Variants in TTN observed in about 807,000 individuals in gnomAD.
TTN encodes connectin.
Under a neutral mutation model 3,223.0 loss-of-function variants are expected in TTN, and 1,525 were observed. The ratio of observed to expected loss-of-function variants is 0.47; its 90% CI spans 0.45 to 0.49. The LOEUF (loss-of-function observed/expected upper bound fraction) is 0.49, where lower values mean the gene tolerates loss of function less well. Among genes scored for constraint, TTN ranks in the 20% least tolerant of loss-of-function variants. The probability of loss-of-function intolerance (pLI) is 0.00; values close to 1 mark genes in which losing one functional copy is unlikely to be tolerated. For missense variants in TTN, 40,786 were observed against 43,424.0 expected, an observed-to-expected ratio of 0.94 and a Z score of 5.40; for synonymous variants, 14,094 against 15,161.0, an observed-to-expected ratio of 0.93 and a Z score of 5.17.
At position 178,807,286 on chromosome 2, in the gene TTN, T is replaced by C. The variant is rs1300262076; in HGVS notation, c.-88A>G. On this transcript the variant is annotated 5_prime_UTR_variant, in exon 1 of 363. Transcript: ENST00000589042. The stretch of plus-strand genomic sequence containing the variant: ...TTCTGAAACGACGTCCTATGGAGAG[T>C]TGGTTTTTCTGACCATCTCCGACAT... 1.3e-5 allele frequency: 2 copies of C among 151,926 alleles called. No homozygotes were observed. The highest frequency in any genetic ancestry group is 1.9e-4 in the East Asian group (1 of 5,188). 9.4% of individuals were successfully genotyped at this position (151,926 alleles called of 1,614,324 possible). A position where few individuals can be genotyped will look rare whatever the true frequency, so the allele number is the denominator to read the frequency against.
intron 47 of TTN, chr2:178,745,798 C>A: frequency 6.2e-7 from 1 of 1,613,238 alleles, no homozygotes; most frequent in South Asian, 1.1e-5. Context: ...GAACTAAGCA[C>A]TGAAAATATG....
At position 178,590,967 on chromosome 2, in the gene TTN, C is replaced by G. The variant is rs370280223; in HGVS notation, c.60758G>C (p.Gly20253Ala). ...TGTGGAGTCAAGGGGAGGACCAACA[C>G]CTATCTTATTCTCTGCTCTAACTCG... The part of the protein sequence containing the change: ...VFRVRAENKI[G>A]VGPPLDSTPT... The change falls in exon 304 of 363, where the codon GGT becomes GCT. Residue 20253 changes from glycine to alanine, a missense_variant. By Grantham distance (60) the Gly-to-Ala change is moderately conservative. Coordinates refer to ENST00000589042, the MANE Select transcript of TTN (RefSeq NM_001267550.2). 1.2e-6 allele frequency: 2 copies of G among 1,613,284 alleles called. No homozygotes were observed. Among genetic ancestry groups the G allele is most frequent in the African/African-American group, 2.7e-5 (2 of 74,862 alleles).
rs538418242 is a variant in TTN at position 178,527,813 on chromosome 2, C to G, written c.107378-65G>C. ...TCTGGTTAATTGATGACATATGACG[C>G]TGACTTACAGAAATGGAAACTTCAA... On this transcript the variant is annotated intron_variant, in intron 361 of 362. Coordinates refer to ENST00000589042, the MANE Select transcript of TTN (RefSeq NM_001267550.2). 621 of 1,446,986 alleles carry G rather than the reference C, an allele frequency of 4.3e-4. 7 individuals carry two copies. In the South Asian group the frequency reaches 8.3e-3, roughly 19 times the overall value. 89.6% of individuals were successfully genotyped at this position (1,446,986 alleles called of 1,614,324 possible).
In TTN at chr2:178,576,708, C is replaced by G. The variant is rs763091757; in HGVS notation, c.69536G>C (p.Arg23179Thr). The change falls in exon 325 of 363, where the codon AGA becomes ACA. Residue 23179 changes from arginine (R) to threonine (T), a missense_variant. Arg to Thr is a moderately conservative substitution (Grantham distance 71, BLOSUM62 -1). Transcript: ENST00000589042. This position sits in a 1 kb window ranked among gnomAD's most constrained non-coding sequence, Gnocchi z 4.3. ...CACCCATCGCAGGCTTTTCTTTTCTCTCCTTTCTACATGATATCCTGTAAT... is the reference window on the plus strand; with the variant it reads ...CACCCATCGCAGGCTTTTCTTTTCTGTCCTTTCTACATGATATCCTGTAAT... ...SEITGYHVER[R>T]EKKSLRWVRA... 2.5e-6 allele frequency: 4 copies of G among 1,613,494 alleles called. No homozygotes were observed. The Admixed American group carries it at 5.0e-5, about 20-fold the overall frequency.
In TTN at chr2:178,794,428, C is replaced by G. The variant is rs1176065238; in HGVS notation, c.1369G>C (p.Ala457Pro). 2.5e-6 allele frequency: 4 copies of G among 1,614,078 alleles called. No individual in the cohort carries two copies. In the African/African-American group the frequency reaches 5.3e-5, roughly 22 times the overall value. Residue 457 changes from alanine (A) to proline (P), a missense_variant, in exon 8 of 363, where the codon GCT becomes CCT. Transcript: ENST00000589042. ...EQTAQRTTTT[A>P]VHIQPAQEQV... The stretch of plus-strand genomic sequence containing the variant: ...TCTTGAGCAGGTTGGATGTGCACAG[C>G]AGTCGTGGTTGTCCTCTGAGCAGTC...
In TTN at chr2:178,560,688, C is replaced by T. The variant is rs762526051; in HGVS notation, c.85444G>A (p.Asp28482Asn). Reference protein sequence around the residue: ...WGRPQEDGGADIDYYIVEKRE... With the variant: ...WGRPQEDGGANIDYYIVEKRE... ...TTTTCTACGATGTAATAGTCGATAT[C>T]TGCACCACCATCTTCTTGGGGACGT... is the stretch of plus-strand genomic sequence containing the variant. Residue 28482 changes from aspartate to asparagine, a missense_variant, in exon 326 of 363, where the codon GAT becomes AAT. Asp to Asn is a conservative substitution (Grantham distance 23). Coordinates refer to ENST00000589042, the MANE Select transcript of TTN (RefSeq NM_001267550.2). The T allele has an allele frequency of 6.2e-7, 1 of 1,613,700 alleles. No homozygotes were observed. The highest frequency in any genetic ancestry group is 1.7e-5 in the Admixed American group (1 of 59,984).
Position 178,583,725 on chromosome 2 carries a change from G to A in TTN, c.65457C>T (p.Tyr21819=), listed in dbSNP as rs529491333. ...CTTTCTCTTCTAGGCCAGTAGCTGT[G>A]TACTCTTCCTGGGGAATCTGGTGAG... ...TAPHQIPQEE[Y]TATGLEEKAQ... The change falls in exon 312 of 363, where the codon TAC becomes TAT. Residue 21819 remains tyrosine, a synonymous_variant. Transcript: ENST00000589042. The A allele has an allele frequency of 3.7e-6, 6 of 1,612,344 alleles. No individual in the cohort carries two copies. The East Asian group carries it at 1.1e-4, about 30-fold the overall frequency.
At chr2:178,742,241 A>C (rs1189116703) in intron 47 of TTN, among the ~76,000 whole-genome samples, 1 of 151,724 alleles carries the variant, frequency 6.6e-6, no homozygotes, top group Non-Finnish European at 1.5e-5. Context: ...ACTGCTAATT[A>C]AATAGTTATA....
chr2:178,693,997 G>T lies in TTN; in HGVS notation c.31438C>A (p.His10480Asn), dbSNP rs1166519741. ...EVIEVKVPAV[H>N]TKKMVISEEK... ...TCTGAAATAACCATCTTCTTTGTAT[G>T]CACAGCTGGTACTTTAAAGAGAGTA... The change falls in exon 118 of 363, where the codon CAT becomes AAT. Residue 10480 changes from histidine (H) to asparagine (N), a missense_variant. His to Asn is a moderately conservative substitution (Grantham distance 68). Transcript: ENST00000589042. 6.2e-6 allele frequency: 10 copies of T among 1,610,606 alleles called. No homozygotes were observed. The East Asian group carries it at 2.2e-4, about 36-fold the overall frequency.
At chr2:178,588,426 A>G in intron 304 of TTN, 112 bp downstream of exon 304, 3 of 1,306,934 alleles carry the variant, frequency 2.3e-6, no homozygotes, top group Non-Finnish European at 2.1e-6. Context: ...AATATTTGCT[A>G]AATACAGTTT....
rs55676195 is a variant in TTN at position 178,541,434 on chromosome 2, C to A, written c.97643G>T (p.Arg32548Leu). The change falls in exon 350 of 363, where the codon CGT becomes CTT. Residue 32548 changes from arginine (R) to leucine (L), a missense_variant. Transcript: ENST00000589042. ...CATTGTCACAGGTACTTTATTTACA[C>A]GGACCCATCGATCTGCTCTCACTTC... ...RKEVRADRWV[R>L]VNKVPVTMTR... 1 of 1,613,256 alleles carries A rather than the reference C, an allele frequency of 6.2e-7. No individual in the cohort carries two copies. The highest frequency in any genetic ancestry group is 1.3e-5 in the African/African-American group (1 of 74,880).
At position 178,776,410 on chromosome 2, in the gene TTN, T is replaced by G. The variant is rs1262114595; in HGVS notation, c.5454A>C (p.Glu1818Asp). ...EGRKGLQRIE[E>D]LERMAHEGAL... ...CACCTTCATGAGCCATTCTCTCTAATTCTTCAATTCTCTGTAAGCCTTTCC... is the reference window on the plus strand; with the variant it reads ...CACCTTCATGAGCCATTCTCTCTAAGTCTTCAATTCTCTGTAAGCCTTTCC... Residue 1818 changes from glutamate (E) to aspartate (D), a missense_variant, in exon 28 of 363, where the codon GAA becomes GAC. Physicochemically the swap from Glu to Asp is conservative, Grantham distance 45 (BLOSUM62 2). Transcript: ENST00000589042. 6.2e-7 allele frequency: 1 copy of G among 1,611,738 alleles called. No homozygotes were observed. The highest frequency in any genetic ancestry group is 1.7e-5 in the Admixed American group (1 of 60,018).
intron 278 of TTN, among the ~76,000 whole-genome samples, chr2:178,606,399 G>A (rs1328993804): frequency 6.6e-6 from 1 of 151,818 alleles, no homozygotes; most frequent in Non-Finnish European, 1.5e-5. Context: ...GGGTGATGGT[G>A]AAGGAATAAG....
At position 178,719,258 on chromosome 2, in the gene TTN, C is replaced by T. The variant is rs1377086549; in HGVS notation, c.24132G>A (p.Leu8044=). The T allele has an allele frequency of 6.2e-7, 1 of 1,613,750 alleles. No individual in the cohort carries two copies. The highest frequency in any genetic ancestry group is 8.5e-7 in the Non-Finnish European group (1 of 1,179,740). The part of the protein sequence containing the change: ...SFSENVCTLN[L]SLLEPSDTGI... ...CTGTGTCGGAGGGCTCCAACAAGCT[C>T]AGATTCAAAGTACAGACGTTTTCCG... Residue 8044 remains leucine, a synonymous_variant, in exon 83 of 363, where the codon CTG becomes CTA. Transcript: ENST00000589042.
chr2:178,757,231 T>TACTGTACTTA (rs1252574568), intron 45 of TTN, among the ~76,000 whole-genome samples: 19 of 148,914 alleles, frequency 1.3e-4, no homozygotes, highest in Admixed American at 3.4e-4. Context: ...TAAGTAATAA[T>TACTGTACTTA]CAGCAAATAG....
chr2:178,645,698 G>A (rs1052979865), intron 217 of TTN: 18 of 347,846 alleles, frequency 5.2e-5, no homozygotes, highest in Middle Eastern at 7.4e-4. Context: ...CCCGGATGAC[G>A]CTATCAATGT....
intron 9 of TTN, among the ~76,000 whole-genome samples, chr2:178,792,633 T>A (rs577248898): frequency 6.6e-6 from 1 of 152,364 alleles, no homozygotes; most frequent in South Asian, 2.1e-4. Context: ...AATCTGCATT[T>A]ATACAATATT....
chr2:178,568,622 G>C lies in TTN; in HGVS notation c.77510C>G (p.Pro25837Arg). 6.2e-7 allele frequency: 1 copy of C among 1,613,384 alleles called. No individual in the cohort carries two copies. Among genetic ancestry groups the C allele is most frequent in the Non-Finnish European group, 8.5e-7 (1 of 1,179,548 alleles). The change falls in exon 326 of 363, where the codon CCA becomes CGA. Residue 25837 changes from proline (P) to arginine (R), a missense_variant. Physicochemically the swap from Pro to Arg is moderately radical, Grantham distance 103. Coordinates refer to ENST00000589042, the MANE Select transcript of TTN (RefSeq NM_001267550.2). The stretch of plus-strand genomic sequence containing the variant: ...ATTGATTCTTGTGGTCTGCTTCAGT[G>C]GGAGACCATCTTTAGTCCAGGTAAT... ...PTITWTKDGL[P>R]LKQTTRINVT... is the part of the protein sequence containing the mutation.
In TTN at chr2:178,598,496, GTTTTCCTACC is replaced by G. The variant is rs1553661994; in HGVS notation, c.57111_57111+9del. ...TCATAGTGCATTTCCTTAGTGCCAA[GTTTTCCTACC>G]TTTTCCCATTCTTCTTTTCCTTCTT... On this transcript the variant is annotated splice_donor_variant and splice_donor_5th_base_variant and coding_sequence_variant and intron_variant, in exon 292 of 363. Coordinates refer to ENST00000589042, the MANE Select transcript of TTN (RefSeq NM_001267550.2). LOFTEE classifies it high-confidence loss of function. 1 of 1,604,634 alleles carries G rather than the reference GTTTTCCTACC, an allele frequency of 6.2e-7. No homozygotes were observed. Among genetic ancestry groups the G allele is most frequent in the African/African-American group, 1.3e-5 (1 of 74,248 alleles).
Sources: allele counts gnomAD v4.1 joint callset (sites outside exome capture counted in the v4.1 genomes callset), GRCh38; gene constraint gnomAD v4.1.1; non-coding constraint Gnocchi (gnomAD v3.1); transcripts MANE v1.5; gene names NCBI Gene and HGNC (gene_info 2026-07-23, HGNC 2026-07-21).